AKAIN1: variants seen among roughly 807,000 people sequenced by gnomAD.
The protein encoded by AKAIN1 is A-kinase anchor inhibitor 1, also known as A-kinase anchor protein inhibitor 1.
A neutral mutation model predicts 3.7 loss-of-function variants in AKAIN1; 3 were observed. That is an observed-to-expected ratio of 0.82 (90% CI 0.37 to 2.12). AKAIN1 has a LOEUF of 2.12. AKAIN1 is among the 30% of genes most tolerant of loss of function. AKAIN1 has a pLI of 0.06. For missense variants in AKAIN1, 82 were observed against 82.7 expected, an observed-to-expected ratio of 0.99 and a Z score of 0.03; for synonymous variants, 31 against 30.8, an observed-to-expected ratio of 1.01 and a Z score of -0.02.
rs1426621839 is a variant in AKAIN1, at chr18:5,145,165, T to C, written c.*397A>G. On this transcript the variant is annotated 3_prime_UTR_variant, in exon 2 of 2. Transcript: ENST00000434239. Reference sequence around the variant, plus strand: ...TCTAGCATGTCTTTTTAATATACCATAAAGAACTCAGTACTGTATTCAGTA... The same window carrying C: ...TCTAGCATGTCTTTTTAATATACCACAAAGAACTCAGTACTGTATTCAGTA... 1 of 156,846 alleles carries C rather than the reference T, an allele frequency of 6.4e-6. No homozygotes were observed. Among genetic ancestry groups the C allele is most frequent in the Non-Finnish European group, 1.4e-5 (1 of 71,042 alleles). 9.7% of individuals were successfully genotyped at this position (156,846 alleles called of 1,614,324 possible). A position where few individuals can be genotyped will look rare whatever the true frequency, so the allele number is the denominator to read the frequency against.
At chr18:5,176,857 A>G (rs2071229549) in intron 1 of AKAIN1, among the ~76,000 whole-genome samples, 1 of 151,764 alleles carries the variant, frequency 6.6e-6, no homozygotes, top group African/African-American at 2.4e-5. Flanking sequence ...CTGCTTGGAA[A>G]TTCTAATTCT....
chr18:5,176,681 T>C (rs1423212096), intron 1 of AKAIN1, among the ~76,000 whole-genome samples: 1 of 152,106 alleles, frequency 6.6e-6, no homozygotes, highest in African/African-American at 2.4e-5. Context: ...CTTTCTTTCA[T>C]AAAAAGAGAA....
intron 1 of AKAIN1, among the ~76,000 whole-genome samples, chr18:5,187,682 T>C (rs997465502): frequency 7.9e-5 from 12 of 152,178 alleles, no homozygotes; most frequent in Non-Finnish European, 1.3e-4. Flanking sequence ...GTTGTTACAA[T>C]GGCAGTTAAA....
At chr18:5,186,481 C>T (rs1039630150) in intron 1 of AKAIN1, among the ~76,000 whole-genome samples, 1 of 151,944 alleles carries the variant, frequency 6.6e-6, no homozygotes, top group Admixed American at 6.6e-5. Context: ...GCCAATTCAC[C>T]AAGAAGACAT....
intron 1 of AKAIN1, among the ~76,000 whole-genome samples, chr18:5,148,214 C>G: frequency 6.6e-6 from 1 of 152,198 alleles, no homozygotes. Flanking sequence ...AAGAGAAATT[C>G]ATTGCTCTCT....
intron 1 of AKAIN1, among the ~76,000 whole-genome samples, chr18:5,179,868 A>G (rs2071247473): frequency 6.6e-6 from 1 of 152,140 alleles, no homozygotes; most frequent in South Asian, 2.1e-4. Context: ...TTTATAAGGT[A>G]TATTTACGTA....
At chr18:5,195,596 G>C (rs915243889) in intron 1 of AKAIN1, among the ~76,000 whole-genome samples, 2 of 152,200 alleles carry the variant, frequency 1.3e-5, no homozygotes, top group African/African-American at 4.8e-5. Flanking sequence ...AACTCCATTA[G>C]AGACTAGCAA....
At chr18:5,179,759 A>G (rs1324581301) in intron 1 of AKAIN1, among the ~76,000 whole-genome samples, 1 of 152,126 alleles carries the variant, frequency 6.6e-6, no homozygotes. Context: ...CACACATCAA[A>G]TACATCTGCT....
At chr18:5,174,451 A>G (rs1215228658) in intron 1 of AKAIN1, among the ~76,000 whole-genome samples, 1 of 152,158 alleles carries the variant, frequency 6.6e-6, no homozygotes, top group Admixed American at 6.5e-5. Flanking sequence ...GACTTTGCAG[A>G]GTAAACAGCC....
intron 1 of AKAIN1, among the ~76,000 whole-genome samples, chr18:5,190,150 C>G (rs2071310905): frequency 2.0e-5 from 3 of 152,168 alleles, no homozygotes; most frequent in African/African-American, 7.2e-5. Flanking sequence ...CAACAGCTCA[C>G]TTCTGCGATA....
intron 1 of AKAIN1, among the ~76,000 whole-genome samples, chr18:5,155,781 T>C (rs1443882252): frequency 1.3e-5 from 2 of 152,136 alleles, no homozygotes; most frequent in African/African-American, 2.4e-5. Context: ...AAGGTCCTAA[T>C]AGAATGCAAG....
At chr18:5,151,564 A>C (rs968965631) in intron 1 of AKAIN1, among the ~76,000 whole-genome samples, 3 of 152,234 alleles carry the variant, frequency 2.0e-5, no homozygotes, top group African/African-American at 7.2e-5. Flanking sequence ...AGATGCAGAA[A>C]GCAAGACAGC....
Position 5,145,345 on chromosome 18 carries a change from C to A in AKAIN1, c.*217G>T. The A allele has an allele frequency of 2.6e-6, 1 of 390,458 alleles. No homozygotes were observed. The allele number at this position is 390,458 out of a possible 1,614,324, so 24.2% of individuals were successfully genotyped here. A position where few individuals can be genotyped will look rare whatever the true frequency, so the allele number is the denominator to read the frequency against. The stretch of plus-strand genomic sequence containing the variant: ...TTTGCAATTACAGTGTCATATTTGG[C>A]CCCACTATGTCTCAGAGGCACTGCA... On this transcript the variant is annotated 3_prime_UTR_variant, in exon 2 of 2. Transcript: ENST00000434239.
intron 1 of AKAIN1, among the ~76,000 whole-genome samples, chr18:5,171,763 C>T (rs1389072984): frequency 1.3e-5 from 2 of 152,236 alleles, no homozygotes; most frequent in East Asian, 3.9e-4. Context: ...AGTACAACCA[C>T]TATGGAGAAT....
rs144374793 is a variant in AKAIN1 at position 5,163,023 on chromosome 18, G to A, written c.17-17268C>T. 1.1e-3 allele frequency among the ~76,000 whole-genome samples: 164 copies of A among 152,094 alleles called. 2 individuals carry two copies. Among genetic ancestry groups the A allele is most frequent in the Admixed American group, 8.4e-3 (128 of 15,254 alleles). Reference sequence around the variant, plus strand: ...TAGGTTTGGGATTCGGCTCAGGAATGTACATATTTAGCCATGACTGCAGGT... The same window carrying A: ...TAGGTTTGGGATTCGGCTCAGGAATATACATATTTAGCCATGACTGCAGGT... On this transcript the variant is annotated intron_variant, in intron 1 of 1. Coordinates refer to ENST00000434239, the MANE Select transcript of AKAIN1 (RefSeq NM_001145194.2).
chr18:5,195,930 C>A (rs977123333), intron 1 of AKAIN1, among the ~76,000 whole-genome samples: 1 of 152,174 alleles, frequency 6.6e-6, no homozygotes, highest in Admixed American at 6.5e-5. Context: ...CCTCCCTCCC[C>A]AGCTAGCATT....
At position 5,155,092 on chromosome 18, in the gene AKAIN1, C is replaced by T. The variant is rs2071099867; in HGVS notation, c.17-9337G>A. ...TGTCCCACTTCCCATCCCATCATTG[C>T]CCAGGCTAGTCTCGAACTCCTGGGC... On this transcript the variant is annotated intron_variant, in intron 1 of 1. Coordinates refer to ENST00000434239, the MANE Select transcript of AKAIN1 (RefSeq NM_001145194.2). 1.3e-5 allele frequency among the ~76,000 whole-genome samples: 2 copies of T among 152,104 alleles called. 1 individual carries two copies. Among genetic ancestry groups the T allele is most frequent in the South Asian group, 4.1e-4 (2 of 4,828 alleles).
intron 1 of AKAIN1, among the ~76,000 whole-genome samples, chr18:5,176,462 A>C (rs1356356154): frequency 6.6e-6 from 1 of 152,086 alleles, no homozygotes; most frequent in African/African-American, 2.4e-5. Flanking sequence ...ACAAACAAAA[A>C]AAACAAACTG....
chr18:5,150,530 C>T (rs1020418840), intron 1 of AKAIN1, among the ~76,000 whole-genome samples: 1 of 152,164 alleles, frequency 6.6e-6, no homozygotes, highest in African/African-American at 2.4e-5. Flanking sequence ...AAACCAAAAT[C>T]GAGAACGTGG....
Sources: gnomAD v4.1 joint callset for allele counts (sites outside exome capture counted in the v4.1 genomes callset) on GRCh38, gnomAD v4.1.1 for gene constraint, MANE v1.5 for transcripts, NCBI Gene and HGNC (gene_info 2026-07-23, HGNC 2026-07-21) for gene names.